Variants in DNM2 observed in about 807,000 individuals in gnomAD.
DNM2 encodes dynamin-2.
DNM2 carries 15 observed loss-of-function variants against 99.0 expected under a neutral mutation model. The observed-to-expected ratio is 0.15, with a 90% CI of 0.10 to 0.23. DNM2 has a LOEUF of 0.23. DNM2 is among the 10% of genes least tolerant of loss of function. The pLI, the probability that DNM2 is intolerant of heterozygous loss-of-function variation, is 1.00. For synonymous variants in DNM2, 525 were observed against 481.2 expected (o/e 1.09, Z -1.19); for missense variants, 742 against 1,189.4 (o/e 0.62, Z 5.53).
chr19:10,786,283 C>T lies in DNM2; in HGVS notation c.850-281C>T. 1.4e-5 allele frequency: 7 copies of T among 510,604 alleles called. No individual in the cohort carries two copies. In the South Asian group the frequency reaches 1.4e-4, roughly 10 times the overall value. 31.6% of individuals were successfully genotyped at this position (510,604 alleles called of 1,614,324 possible). A position where few individuals can be genotyped will look rare whatever the true frequency, so the allele number is the denominator to read the frequency against. Reference sequence around the variant, plus strand: ...GGTCTGGATGGACTGTCCTTGCAAGCTGTTGCTTGTCCTCCAAGGCGTGGA... The same window carrying T: ...GGTCTGGATGGACTGTCCTTGCAAGTTGTTGCTTGTCCTCCAAGGCGTGGA... On this transcript the variant is annotated intron_variant, in intron 6 of 20. Coordinates refer to ENST00000389253, the MANE Select transcript of DNM2 (RefSeq NM_001005361.3).
chr19:10,729,581 C>A (rs939265086), intron 1 of DNM2, among the ~76,000 whole-genome samples: 1 of 152,180 alleles, frequency 6.6e-6, no homozygotes, highest in East Asian at 1.9e-4. Context: ...GTGCCCCCTG[C>A]GGACCGGAAA....
intron 1 of DNM2, among the ~76,000 whole-genome samples, chr19:10,732,946 C>T (rs1472692667): frequency 2.0e-5 from 3 of 151,612 alleles, no homozygotes; most frequent in Non-Finnish European, 2.9e-5. Context: ...TGCAATGGCG[C>T]GATCTCGGCT....
intron 1 of DNM2, among the ~76,000 whole-genome samples, chr19:10,750,244 C>G (rs79357287): frequency 6.6e-6 from 1 of 151,850 alleles, no homozygotes; most frequent in Non-Finnish European, 1.5e-5. Flanking sequence ...TTTGGGAGGC[C>G]GATGCGGGAA....
At chr19:10,721,164 A>G (rs752090152) in intron 1 of DNM2, among the ~76,000 whole-genome samples, 23 of 151,072 alleles carry the variant, frequency 1.5e-4, no homozygotes, top group East Asian at 3.9e-4. Context: ...TGCTCATTAT[A>G]TATATATTTT....
chr19:10,830,398 C>T lies in DNM2; in HGVS notation c.2543+20C>T, dbSNP rs534787337. 2 of 1,603,324 alleles carry T rather than the reference C, an allele frequency of 1.2e-6. No homozygotes were observed. The highest frequency in any genetic ancestry group is 4.5e-5 in the East Asian group (2 of 44,848). On this transcript the variant is annotated intron_variant, in intron 20 of 20. Transcript: ENST00000389253. The surrounding 1 kb of genome is among the most constrained non-coding windows in gnomAD (Gnocchi z 4.8). ...GCCCAGGTAAGGCCAACCCCCTGCC[C>T]TCCACCCCAACTGCCTGCACCCTGG...
At chr19:10,738,257 C>CA (rs903544798) in intron 1 of DNM2, among the ~76,000 whole-genome samples, 2 of 151,594 alleles carry the variant, frequency 1.3e-5, no homozygotes, top group Non-Finnish European at 2.9e-5. Flanking sequence ...GACTCCATCT[C>CA]AAAAAATAAA....
intron 1 of DNM2, among the ~76,000 whole-genome samples, chr19:10,726,849 C>G (rs149559947): frequency 6.6e-6 from 1 of 152,168 alleles, no homozygotes; most frequent in East Asian, 1.9e-4. Flanking sequence ...GGCAACAGAG[C>G]GAGACTCTGT....
At chr19:10,798,436 C>T (rs769603854) in intron 10 of DNM2, 50 bp from the exon 11 acceptor site, 2 of 1,570,010 alleles carry the variant, frequency 1.3e-6, no homozygotes, top group Non-Finnish European at 1.8e-6. Context: ...CATGTTGCTT[C>T]CCGTGCCACG....
intron 5 of DNM2, among the ~76,000 whole-genome samples, chr19:10,779,502 CTTTTTTTTTTTTTTT>C (rs55819116): frequency 3.4e-5 from 1 of 29,602 alleles, no homozygotes; most frequent in Admixed American, 5.9e-4. Flanking sequence ...TTCTTTCTTT[CTTTTTTTTTTTTTTT>C]TTTTTTTTTT....
chr19:10,722,786 C>G (rs2068982013), intron 1 of DNM2, among the ~76,000 whole-genome samples: 1 of 152,058 alleles, frequency 6.6e-6, no homozygotes, highest in African/African-American at 2.4e-5. Flanking sequence ...TGCCACCACG[C>G]TTGGCTAATT....
intron 1 of DNM2, among the ~76,000 whole-genome samples, chr19:10,757,265 T>G (rs1235395635): frequency 1.3e-5 from 2 of 151,818 alleles, no homozygotes; most frequent in Non-Finnish European, 2.9e-5. Flanking sequence ...TGACTTGTTG[T>G]GTAGTCAGTG....
chr19:10,757,034 C>T (rs560963640), intron 1 of DNM2, among the ~76,000 whole-genome samples: 1 of 152,300 alleles, frequency 6.6e-6, no homozygotes, highest in Admixed American at 6.5e-5. Context: ...ATCCCTAAAT[C>T]CCAGCTGGTG....
chr19:10,829,164 C>G lies in DNM2; in HGVS notation c.2187C>G (p.Leu729=). Residue 729 remains leucine, a synonymous_variant, in exon 19 of 21, where the codon CTC becomes CTG. Transcript: ENST00000389253. ...RDDMLRMYHA[L]KEALNIIGDI... ...ACATGCTGCGCATGTACCATGCCCT[C>G]AAGGAGGCGCTCAACATCATCGGTG... 1 of 1,614,042 alleles carries G rather than the reference C, an allele frequency of 6.2e-7. No individual in the cohort carries two copies. Among genetic ancestry groups the G allele is most frequent in the Non-Finnish European group, 8.5e-7 (1 of 1,180,034 alleles).
intron 1 of DNM2, among the ~76,000 whole-genome samples, chr19:10,720,356 G>A (rs951574559): frequency 6.6e-6 from 1 of 151,746 alleles, no homozygotes; most frequent in Admixed American, 6.6e-5. Flanking sequence ...GGGATTACAG[G>A]CGTCTACCAC....
chr19:10,824,129 C>T (rs139376795), intron 17 of DNM2: 6,148 of 564,664 alleles, frequency 0.011, 60 homozygotes, highest in Non-Finnish European at 0.016. Context: ...GGGATGGGGT[C>T]CCACTTGCTT....
intron 5 of DNM2, among the ~76,000 whole-genome samples, chr19:10,778,155 C>T (rs1454630426): frequency 6.6e-6 from 1 of 151,260 alleles, no homozygotes; most frequent in East Asian, 2.0e-4. Context: ...CTGCCTCAGC[C>T]TCCCGAGTAG....
chr19:10,812,331 G>A lies in DNM2; in HGVS notation c.1625G>A (p.Trp542Ter). ...ATGAAAGGCGGCTCCAAGGAGTACT[G>A]GTTTGTGCTGACTGCCGAGTCACTG... ...SLMKGGSKEY[W>*]FVLTAESLSW... is the part of the protein sequence containing the mutation. The change falls in exon 15 of 21, where the codon TGG becomes TAG. Residue 542 changes from tryptophan to a stop codon, truncating the protein, a stop_gained. Transcript: ENST00000389253. LOFTEE classifies it high-confidence loss of function. This position sits in a 1 kb window ranked among gnomAD's most constrained non-coding sequence, Gnocchi z 4.0. The A allele has an allele frequency of 6.2e-7, 1 of 1,611,308 alleles. No individual in the cohort carries two copies. Among genetic ancestry groups the A allele is most frequent in the Non-Finnish European group, 8.5e-7 (1 of 1,178,538 alleles).
In DNM2 at chr19:10,812,659, C is replaced by T. The variant is rs886201758; in HGVS notation, c.1671+282C>T. ...AAAATTAGCCAGGAGTGGTGGCACG[C>T]GCCTGTAATCCCAGCTACTCAGGAG... On this transcript the variant is annotated intron_variant, in intron 15 of 20. Transcript: ENST00000389253. The surrounding 1 kb of genome is among the most constrained non-coding windows in gnomAD (Gnocchi z 4.0). Among the ~76,000 whole-genome samples, 4 of 152,140 alleles carry T rather than the reference C, an allele frequency of 2.6e-5. No individual in the cohort carries two copies. Among genetic ancestry groups the T allele is most frequent in the African/African-American group, 9.7e-5 (4 of 41,420 alleles).
rs1177858396 is a variant in DNM2, at chr19:10,772,974, C to T, written c.385+346C>T. Among the ~76,000 whole-genome samples, 1 of 128,110 alleles carries T rather than the reference C, an allele frequency of 7.8e-6. No individual in the cohort carries two copies. Among genetic ancestry groups the T allele is most frequent in the South Asian group, 2.5e-4 (1 of 3,984 alleles). 84.0% of individuals were successfully genotyped at this position (128,110 alleles called of 152,430 possible). On this transcript the variant is annotated intron_variant, in intron 3 of 20. Transcript: ENST00000389253. The surrounding 1 kb of genome is among the most constrained non-coding windows in gnomAD (Gnocchi z 4.9). ...CCAGAACCAGTCTTCTGTAAAATAT[C>T]CTGGGTTTTTTTTTTTTTTTTTTGA...
Sources: gnomAD v4.1 joint callset for allele counts (sites outside exome capture counted in the v4.1 genomes callset) on GRCh38, gnomAD v4.1.1 for gene constraint, Gnocchi (gnomAD v3.1) non-coding constraint, MANE v1.5 for transcripts, NCBI Gene and HGNC (gene_info 2026-07-23, HGNC 2026-07-21) for gene names.